NRG2: variants seen among roughly 807,000 people sequenced by gnomAD.
NRG2 encodes neuregulin 2.
In NRG2, 27 loss-of-function variants were observed where a neutral mutation model predicts 73.9. That is an observed-to-expected ratio of 0.37 (90% CI 0.27 to 0.50). The LOEUF is 0.50. Among genes scored for constraint, NRG2 ranks in the 20% least tolerant of loss-of-function variants. The pLI is 0.96. For synonymous variants in NRG2, 532 were observed against 541.0 expected, an observed-to-expected ratio of 0.98 and a Z score of 0.23; for missense variants, 1,126 against 1,210.1, an observed-to-expected ratio of 0.93 and a Z score of 1.03.
At position 139,847,497 on chromosome 5, in the gene NRG2, C is replaced by A; in HGVS notation, c.*420G>T. 1 of 152,118 alleles carries A rather than the reference C, an allele frequency of 6.6e-6. No homozygotes were observed. Among genetic ancestry groups the A allele is most frequent in the East Asian group, 1.9e-4 (1 of 5,210 alleles). 9.4% of individuals were successfully genotyped at this position (152,118 alleles called of 1,614,324 possible). On this transcript the variant is annotated 3_prime_UTR_variant, in exon 10 of 10. Transcript: ENST00000361474. ...ACCCCCCACCGCCCCCCACCCTCGC[C>A]CCCAACAGAACCCGCACCTCTTCTC... is the stretch of plus-strand genomic sequence containing the variant.
At chr5:139,966,859 A>G (rs147382791) in intron 1 of NRG2, among the ~76,000 whole-genome samples, 112 of 152,308 alleles carry the variant, frequency 7.4e-4, no homozygotes, top group African/African-American at 2.7e-3. Flanking sequence ...GCAAGCTCAG[A>G]GCATACCTGC....
At chr5:139,950,245 C>T (rs1030616487) in intron 1 of NRG2, among the ~76,000 whole-genome samples, 6 of 152,206 alleles carry the variant, frequency 3.9e-5, no homozygotes, top group Admixed American at 3.3e-4. Flanking sequence ...ACGATTAATG[C>T]TGGCCCCCTC....
chr5:140,017,300 G>A (rs1759864181), intron 1 of NRG2, among the ~76,000 whole-genome samples: 1 of 152,072 alleles, frequency 6.6e-6, no homozygotes, highest in African/African-American at 2.4e-5. Context: ...GTTTCACTGG[G>A]GCATGTCCAG....
chr5:140,041,667 A>T (rs1180809029), intron 1 of NRG2, among the ~76,000 whole-genome samples: 6 of 58,282 alleles, frequency 1.0e-4, no homozygotes, highest in African/African-American at 5.1e-4. Flanking sequence ...AGAAACAGCT[A>T]AAAAAAAAAA....
intron 1 of NRG2, among the ~76,000 whole-genome samples, chr5:140,022,295 C>CTGG (rs1760303150): frequency 6.6e-6 from 1 of 152,168 alleles, no homozygotes; most frequent in Admixed American, 6.5e-5. Context: ...GCAATAATTC[C>CTGG]ATCTCCTCCT....
In NRG2 at chr5:139,865,302, G is replaced by A. The variant is rs1762413875; in HGVS notation, c.1189+247C>T. 3.7e-6 allele frequency: 3 copies of A among 818,466 alleles called. No individual in the cohort carries two copies. The Admixed American group carries it at 5.9e-5, about 16-fold the overall frequency. The allele number at this position is 818,466 out of a possible 1,614,324, so 50.7% of individuals were successfully genotyped here. On this transcript the variant is annotated intron_variant, in intron 5 of 9. Transcript: ENST00000361474. The surrounding 1 kb of genome is among the most constrained non-coding windows in gnomAD (Gnocchi z 5.2). ...CACCGTTACCATTTGTATTGGCCTTGCCACTCTGCCCCTTACCTGCAGCCC... is the reference window on the plus strand; with the variant it reads ...CACCGTTACCATTTGTATTGGCCTTACCACTCTGCCCCTTACCTGCAGCCC...
In NRG2 at chr5:139,923,406, G is replaced by A. The variant is rs116701099; in HGVS notation, c.701-35895C>T. ...CTGTTGGGGATAGCCCTGAAGTGCAGGGATAGAGCATGAGGGTCACAGGGC... is the reference window on the plus strand; with the variant it reads ...CTGTTGGGGATAGCCCTGAAGTGCAAGGATAGAGCATGAGGGTCACAGGGC... On this transcript the variant is annotated intron_variant, in intron 1 of 9. Transcript: ENST00000361474. 8.1e-4 allele frequency among the ~76,000 whole-genome samples: 123 copies of A among 152,316 alleles called. 1 individual carries two copies. The highest frequency in any genetic ancestry group is 2.9e-3 in the African/African-American group (121 of 41,566).
rs1483554166 is a variant in NRG2, at chr5:139,851,652, G to A, written c.1724C>T (p.Pro575Leu). 3 of 1,613,974 alleles carry A rather than the reference G, an allele frequency of 1.9e-6. No homozygotes were observed. The highest frequency in any genetic ancestry group is 2.5e-6 in the Non-Finnish European group (3 of 1,180,054). The part of the protein sequence containing the change: ...LEERRRATAP[P>L]YHDSVDSLRD... ...AAGGGAGTCCACGGAATCGTGATAG[G>A]GTGGCGCGGTGGCCCTGCGCCGCTC... Residue 575 changes from proline to leucine, a missense_variant, in exon 9 of 10, where the codon CCC becomes CTC. Pro to Leu is a moderately conservative substitution (Grantham distance 98). Transcript: ENST00000361474. The surrounding 1 kb of genome is among the most constrained non-coding windows in gnomAD (Gnocchi z 4.2).
At chr5:139,989,227 C>G (rs1314185900) in intron 1 of NRG2, among the ~76,000 whole-genome samples, 2 of 152,016 alleles carry the variant, frequency 1.3e-5, no homozygotes, top group Non-Finnish European at 2.9e-5. Context: ...TCATTACTCT[C>G]CATCTCAATG....
rs570660689 is a variant in NRG2 at position 139,865,484 on chromosome 5, T to C, written c.1189+65A>G. 150 of 1,236,270 alleles carry C rather than the reference T, an allele frequency of 1.2e-4. No individual in the cohort carries two copies. Among genetic ancestry groups the C allele is most frequent in the Admixed American group, 4.1e-4 (22 of 54,160 alleles). 76.6% of individuals were successfully genotyped at this position (1,236,270 alleles called of 1,614,324 possible). On this transcript the variant is annotated intron_variant, in intron 5 of 9. Coordinates refer to ENST00000361474, the MANE Select transcript of NRG2 (RefSeq NM_004883.3). The surrounding 1 kb of genome is among the most constrained non-coding windows in gnomAD (Gnocchi z 5.2). ...AACACCCCTGGCCCTATGCCCTACATTGGGGGGACTGCACCCAGAAGCTTT... is the reference window on the plus strand; with the variant it reads ...AACACCCCTGGCCCTATGCCCTACACTGGGGGGACTGCACCCAGAAGCTTT...
intron 1 of NRG2, among the ~76,000 whole-genome samples, chr5:139,941,511 T>C (rs1047110808): frequency 6.6e-6 from 1 of 152,154 alleles, no homozygotes; most frequent in Admixed American, 6.5e-5. Context: ...TGAAAATGTC[T>C]TTTTCATACA....
At chr5:140,025,094 A>G (rs912898959) in intron 1 of NRG2, among the ~76,000 whole-genome samples, 2 of 152,188 alleles carry the variant, frequency 1.3e-5, no homozygotes, top group African/African-American at 4.8e-5. Context: ...GACTTTCATT[A>G]TTTCAAAACG....
chr5:139,941,626 T>C (rs562625068), intron 1 of NRG2, among the ~76,000 whole-genome samples: 4 of 152,340 alleles, frequency 2.6e-5, no homozygotes, highest in African/African-American at 9.6e-5. Flanking sequence ...AGTCTTCTCT[T>C]GATATTTGCC....
At chr5:140,014,055 C>T (rs1423672953) in intron 1 of NRG2, among the ~76,000 whole-genome samples, 2 of 152,050 alleles carry the variant, frequency 1.3e-5, no homozygotes, top group African/African-American at 4.8e-5. Context: ...GCTTTTAATA[C>T]CACCTATATG....
chr5:139,945,450 C>A (rs2126444043), intron 1 of NRG2, among the ~76,000 whole-genome samples: 1 of 152,150 alleles, frequency 6.6e-6, no homozygotes, highest in Admixed American at 6.5e-5. Context: ...TGTCAAATAT[C>A]AGTTGGCTGT....
rs184373460 is a variant in NRG2, at chr5:139,967,570, T to C, written c.700+74800A>G. Among the ~76,000 whole-genome samples the C allele has an allele frequency of 6.7e-3, 1,026 of 152,294 alleles. 12 individuals are homozygous for C. Among genetic ancestry groups the C allele is most frequent in the African/African-American group, 0.023 (960 of 41,560 alleles). On this transcript the variant is annotated intron_variant, in intron 1 of 9. Coordinates refer to ENST00000361474, the MANE Select transcript of NRG2 (RefSeq NM_004883.3). ...AGAGACACTTCTAAGGAGAGGCTGG[T>C]AACTGAAGATCCCTCAGATGCAAGG... is the stretch of plus-strand genomic sequence containing the variant.
chr5:140,014,810 T>A (rs1561753433), intron 1 of NRG2, among the ~76,000 whole-genome samples: 1 of 152,214 alleles, frequency 6.6e-6, no homozygotes, highest in African/African-American at 2.4e-5. Context: ...ATATTACTCC[T>A]CTGCTCAAAC....
intron 1 of NRG2, among the ~76,000 whole-genome samples, chr5:140,003,513 C>A (rs1265320605): frequency 6.6e-6 from 1 of 152,120 alleles, no homozygotes; most frequent in Non-Finnish European, 1.5e-5. Flanking sequence ...CCAAGGAATG[C>A]AGGTGACCTC....
Position 139,877,284 on chromosome 5 carries a change from G to T in NRG2, c.991+3572C>A, listed in dbSNP as rs1451221953. On this transcript the variant is annotated intron_variant, in intron 3 of 9. Coordinates refer to ENST00000361474, the MANE Select transcript of NRG2 (RefSeq NM_004883.3). ...TGGCAGAGCTCTGACTATAAGGAAG[G>T]CCTACTCTAATTTGTGGAAGGAGCC... 2.0e-5 allele frequency among the ~76,000 whole-genome samples: 3 copies of T among 152,224 alleles called. No homozygotes were observed. In the East Asian group the frequency reaches 5.8e-4, roughly 29 times the overall value.
Sources: gnomAD v4.1 joint callset for allele counts (sites outside exome capture counted in the v4.1 genomes callset) on GRCh38, gnomAD v4.1.1 for gene constraint, Gnocchi (gnomAD v3.1) non-coding constraint, MANE v1.5 for transcripts, NCBI Gene and HGNC (gene_info 2026-07-23, HGNC 2026-07-21) for gene names.